The following LIMCH1 variants were observed in gnomAD, a reference collection of about 807,000 sequenced individuals.
LIMCH1 encodes LIM and calponin homology domains 1.
Under a neutral mutation model 176.5 loss-of-function variants are expected in LIMCH1, and 113 were observed. The ratio of observed to expected loss-of-function variants is 0.64; its 90% confidence interval spans 0.55 to 0.75. The LOEUF (loss-of-function observed/expected upper bound fraction) is 0.75, where lower values mean the gene tolerates loss of function less well. Among genes scored for constraint, LIMCH1 ranks in the 30% least tolerant of loss-of-function variants. The pLI is 0.00. For synonymous variants in LIMCH1, 619 were observed against 645.9 expected (o/e 0.96, Z 0.63); for missense variants, 1,674 against 1,814.9 (o/e 0.92, Z 1.41).
At chr4:41,624,316 T>C (rs1048306950) in intron 7 of LIMCH1, among the ~76,000 whole-genome samples, 32 of 151,802 alleles carry the variant, frequency 2.1e-4, no homozygotes, top group Non-Finnish European at 4.1e-4. Context: ...TGTGGGGGCG[T>C]AAAAAAACCT....
At chr4:41,646,933 C>T (rs779528786) in intron 17 of LIMCH1, 40 bp downstream of exon 17, 7 of 1,531,860 alleles carry the variant, frequency 4.6e-6, no homozygotes, top group Non-Finnish European at 5.4e-6. Flanking sequence ...AAGCTGAACT[C>T]CAGGGAGTGG....
intron 1 of LIMCH1, among the ~76,000 whole-genome samples, chr4:41,369,924 C>T (rs564960207): frequency 1.6e-4 from 12 of 73,268 alleles, no homozygotes; most frequent in Non-Finnish European, 2.6e-4. Context: ...CTGTTGCTGC[C>T]CTGACAGGAA....
At chr4:41,452,348 G>A (rs561533387) in intron 1 of LIMCH1, among the ~76,000 whole-genome samples, 9 of 152,136 alleles carry the variant, frequency 5.9e-5, no homozygotes, top group South Asian at 2.1e-4. Flanking sequence ...TCTTCATCAC[G>A]GATACCTAGA....
chr4:41,448,994 AAC>A (rs1037226248), intron 1 of LIMCH1, among the ~76,000 whole-genome samples: 2 of 152,150 alleles, frequency 1.3e-5, no homozygotes, highest in South Asian at 2.1e-4. Context: ...TACATTATCA[AAC>A]ACACACAGAG....
At chr4:41,671,031 A>G (rs1585668081) in intron 21 of LIMCH1, 4 of 962,776 alleles carry the variant, frequency 4.2e-6, no homozygotes, top group South Asian at 4.8e-5. Flanking sequence ...AATAATATTC[A>G]TCATTTTCTT....
chr4:41,401,963 T>G (rs528081161), intron 1 of LIMCH1, among the ~76,000 whole-genome samples: 1 of 152,322 alleles, frequency 6.6e-6, no homozygotes, highest in African/African-American at 2.4e-5. Flanking sequence ...AGATATACAA[T>G]CGTGTCGTCT....
At chr4:41,547,855 G>GTA (rs2152500851) in intron 1 of LIMCH1, among the ~76,000 whole-genome samples, 1 of 90,712 alleles carries the variant, frequency 1.1e-5, no homozygotes, top group East Asian at 3.4e-4. Flanking sequence ...TATATAATTT[G>GTA]TGTGTGTGTA....
At chr4:41,600,541 T>G (rs937320151) in intron 2 of LIMCH1, among the ~76,000 whole-genome samples, 2 of 152,122 alleles carry the variant, frequency 1.3e-5, no homozygotes, top group Non-Finnish European at 2.9e-5. Context: ...AAACCAGAAT[T>G]CTGAGCCTGA....
chr4:41,428,791 T>C (rs1316747617), intron 1 of LIMCH1, among the ~76,000 whole-genome samples: 4 of 151,932 alleles, frequency 2.6e-5, no homozygotes, highest in African/African-American at 9.7e-5. Flanking sequence ...ATCTAAGTCA[T>C]TTCCTGGCAG....
chr4:41,538,473 G>A, intron 1 of LIMCH1, 123 bp downstream of exon 1: 1 of 384,580 alleles, frequency 2.6e-6, no homozygotes, highest in Non-Finnish European at 3.6e-6. Flanking sequence ...TTATTAGTAT[G>A]GCGAAAATAA....
At chr4:41,463,105 C>T (rs1310779420) in intron 1 of LIMCH1, among the ~76,000 whole-genome samples, 1 of 151,768 alleles carries the variant, frequency 6.6e-6, no homozygotes, top group African/African-American at 2.4e-5. Flanking sequence ...GCTACTATGA[C>T]CATTCACCTC....
At chr4:41,658,507 T>TAGTGA (rs1235882726) in intron 18 of LIMCH1, among the ~76,000 whole-genome samples, 2 of 152,168 alleles carry the variant, frequency 1.3e-5, no homozygotes, top group Non-Finnish European at 2.9e-5. Flanking sequence ...CAATAAGCCT[T>TAGTGA]AGTGAAGTAG....
chr4:41,689,676 A>G (rs963597762), intron 30 of LIMCH1, 41 bp downstream of exon 30: 1 of 1,254,270 alleles, frequency 8.0e-7, no homozygotes, highest in Admixed American at 1.7e-5. Context: ...CAACTTCATG[A>G]TGTCTTTTGG....
chr4:41,491,134 CA>C (rs1180614445), intron 1 of LIMCH1, among the ~76,000 whole-genome samples: 3 of 149,758 alleles, frequency 2.0e-5, no homozygotes, highest in African/African-American at 4.9e-5. Flanking sequence ...GGCGGCTGGG[CA>C]GAGGCGCTCC....
upstream of LIMCH1, among the ~76,000 whole-genome samples, chr4:41,533,769 T>C (rs1056574734): frequency 1.3e-5 from 2 of 152,036 alleles, no homozygotes; most frequent in African/African-American, 4.8e-5. Context: ...TTGGAAGGGG[T>C]GGGATTTGAA....
At chr4:41,520,361 G>C (rs1446549808) in intron 2 of LIMCH1, among the ~76,000 whole-genome samples, 1 of 152,094 alleles carries the variant, frequency 6.6e-6, no homozygotes, top group East Asian at 1.9e-4. Flanking sequence ...TTGTCCTCCA[G>C]TCTCTCGTTG....
rs747283981 is a variant in LIMCH1, at chr4:41,681,078, A to T, written c.3717+19A>T. The T allele has an allele frequency of 6.8e-7, 1 of 1,466,958 alleles. No homozygotes were observed. The highest frequency in any genetic ancestry group is 9.5e-7 in the Non-Finnish European group (1 of 1,049,254). 90.9% of individuals were successfully genotyped at this position (1,466,958 alleles called of 1,614,324 possible). A position where few individuals can be genotyped will look rare whatever the true frequency, so the allele number is the denominator to read the frequency against. On this transcript the variant is annotated intron_variant, in intron 25 of 31. Coordinates refer to ENST00000503057, the MANE Select transcript of LIMCH1 (RefSeq NM_001330672.2). ...GACAATGGTGAGACCACAGATTAAA[A>T]GCAATTTGTGAAATAAATAAACCTA...
At chr4:41,674,407 T>G (rs1202733673) in intron 22 of LIMCH1, among the ~76,000 whole-genome samples, 1 of 152,242 alleles carries the variant, frequency 6.6e-6, no homozygotes, top group African/African-American at 2.4e-5. Context: ...TTCTGAATGT[T>G]TAAACCACCT....
intron 23 of LIMCH1, 112 bp from the exon 24 acceptor site, chr4:41,679,894 A>G: frequency 1.6e-6 from 1 of 641,706 alleles, no homozygotes. Flanking sequence ...TCAGAATCCT[A>G]ACAAGAAGAA....
Sources: gnomAD v4.1 joint callset for allele counts (sites outside exome capture counted in the v4.1 genomes callset) on GRCh38, gnomAD v4.1.1 for gene constraint, MANE v1.5 for transcripts, NCBI Gene and HGNC (gene_info 2026-07-23, HGNC 2026-07-21) for gene names.